The following KAZN variants were observed in gnomAD, a reference collection of about 807,000 sequenced individuals.
KAZN encodes kazrin.
KAZN carries 40 observed loss-of-function variants against 87.4 expected under a neutral mutation model. The ratio of observed to expected loss-of-function variants is 0.46; its 90% CI spans 0.36 to 0.60. The LOEUF is 0.60. Ranked by LOEUF, KAZN falls within the 20% of genes least tolerant of loss-of-function variation. The pLI is 0.00. For synonymous variants in KAZN, 466 were observed against 458.3 expected, an observed-to-expected ratio of 1.02 and a Z score of -0.22; for missense variants, 898 against 1,073.9, an observed-to-expected ratio of 0.84 and a Z score of 2.29.
At chr1:14,126,093 G>T (rs540252856) in intron 1 of KAZN, among the ~76,000 whole-genome samples, 1 of 152,114 alleles carries the variant, frequency 6.6e-6, no homozygotes, top group Non-Finnish European at 1.5e-5. Flanking sequence ...GACATGATCT[G>T]GTTTATATAT....
intron 2 of KAZN, among the ~76,000 whole-genome samples, chr1:14,347,194 G>A (rs1285208706): frequency 2.6e-5 from 4 of 152,202 alleles, no homozygotes; most frequent in African/African-American, 9.6e-5. Flanking sequence ...AAGGATGGAC[G>A]TGTATGTGTA....
chr1:14,619,172 C>T (rs992522619), intron 1 of KAZN, among the ~76,000 whole-genome samples: 2 of 149,928 alleles, frequency 1.3e-5, no homozygotes, highest in East Asian at 3.9e-4. Context: ...TTACTCCATG[C>T]ACAATGAAAA....
At chr1:14,839,772 C>T (rs946258950) in intron 1 of KAZN, among the ~76,000 whole-genome samples, 9 of 152,146 alleles carry the variant, frequency 5.9e-5, no homozygotes, top group Admixed American at 2.0e-4. Flanking sequence ...GCCAGCACAG[C>T]GTAGATGCTC....
At chr1:14,551,853 T>C (rs905872179) in intron 2 of KAZN, among the ~76,000 whole-genome samples, 3 of 152,146 alleles carry the variant, frequency 2.0e-5, no homozygotes, top group Admixed American at 1.3e-4. Context: ...AAAGAATTAA[T>C]GGCTACCTAG....
intron 1 of KAZN, among the ~76,000 whole-genome samples, chr1:14,942,799 A>G (rs557550176): frequency 6.6e-6 from 1 of 152,316 alleles, no homozygotes; most frequent in East Asian, 1.9e-4. Context: ...ATACCTGGCC[A>G]GAAGGGTGTC....
chr1:14,033,899 C>A (rs879272727), intron 1 of KAZN, among the ~76,000 whole-genome samples: 22 of 152,214 alleles, frequency 1.4e-4, no homozygotes, highest in Non-Finnish European at 2.6e-4. Context: ...ACCTGGGAAG[C>A]AGCATTTAAT....
intron 2 of KAZN, among the ~76,000 whole-genome samples, chr1:14,327,403 T>A (rs762081296): frequency 6.6e-6 from 1 of 152,098 alleles, no homozygotes; most frequent in Non-Finnish European, 1.5e-5. Flanking sequence ...CTGAAGCCCC[T>A]ACCTGGAATG....
intron 2 of KAZN, among the ~76,000 whole-genome samples, chr1:14,503,971 G>A (rs537867913): frequency 1.1e-4 from 16 of 152,220 alleles, no homozygotes; most frequent in African/African-American, 3.1e-4. Flanking sequence ...AGAGAGGCAC[G>A]TAGGACAAAA....
intron 1 of KAZN, among the ~76,000 whole-genome samples, chr1:14,814,377 AG>A (rs922489085): frequency 2.0e-4 from 30 of 152,062 alleles, no homozygotes; most frequent in Non-Finnish European, 4.0e-4. Flanking sequence ...CACCAAGCAC[AG>A]CTAATTTTTG....
intron 2 of KAZN, among the ~76,000 whole-genome samples, chr1:15,005,319 T>G (rs1668890334): frequency 6.6e-6 from 1 of 152,230 alleles, no homozygotes; most frequent in African/African-American, 2.4e-5. Context: ...TGCCAGTGTT[T>G]GCAAGGCAGT....
chr1:15,023,760 T>G (rs1670909934), intron 2 of KAZN, among the ~76,000 whole-genome samples: 3 of 142,110 alleles, frequency 2.1e-5, no homozygotes, highest in Admixed American at 7.2e-5. Context: ...GTGACCCAGA[T>G]ATGGGGGTGG....
chr1:14,794,511 A>G (rs116932996), intron 1 of KAZN, among the ~76,000 whole-genome samples: 2,519 of 152,290 alleles, frequency 0.017, 78 homozygotes, highest in Admixed American at 0.081. Flanking sequence ...TTGAACAACC[A>G]GTTCTCACTG....
intron 1 of KAZN, among the ~76,000 whole-genome samples, chr1:14,001,974 T>C (rs1432086097): frequency 6.6e-6 from 1 of 152,074 alleles, no homozygotes; most frequent in Non-Finnish European, 1.5e-5. Context: ...CCAAAAGCAA[T>C]TGCAACAAAA....
intron 2 of KAZN, among the ~76,000 whole-genome samples, chr1:14,341,988 T>G (rs1657762058): frequency 6.6e-6 from 1 of 152,072 alleles, no homozygotes; most frequent in African/African-American, 2.4e-5. Context: ...TCCCACCCAC[T>G]ACCCTTCAAT....
Position 13,923,582 on chromosome 1 carries a change from A to AG in KAZN, c.91+29826_91+29827insG, listed in dbSNP as rs1334156910. Among the ~76,000 whole-genome samples the AG allele has an allele frequency of 5.4e-3, 695 of 128,888 alleles. 9 individuals are homozygous for AG. The highest frequency in any genetic ancestry group is 9.1e-3 in the Non-Finnish European group (510 of 55,814). 84.6% of individuals were successfully genotyped at this position (128,888 alleles called of 152,430 possible). On this transcript the variant is annotated intron_variant, in intron 1 of 16. Transcript: ENST00000636203. ...AGCGAGACTCCATCTCAAAAAAAAA[A>AG]AAAAAAAAAATATAATTACTGTTTG...
intron 1 of KAZN, among the ~76,000 whole-genome samples, chr1:14,706,149 A>G (rs1642197440): frequency 6.6e-6 from 1 of 152,102 alleles, no homozygotes; most frequent in Admixed American, 6.5e-5. Flanking sequence ...ATGCCCGATG[A>G]TCTGTCACTG....
At chr1:14,165,018 T>C (rs1318084981) in intron 1 of KAZN, among the ~76,000 whole-genome samples, 1 of 151,724 alleles carries the variant, frequency 6.6e-6, no homozygotes, top group African/African-American at 2.4e-5. Context: ...AGCATGATTA[T>C]ATGTCAAATT....
chr1:14,799,688 G>C (rs536322359), intron 1 of KAZN, among the ~76,000 whole-genome samples: 1 of 152,186 alleles, frequency 6.6e-6, no homozygotes, highest in East Asian at 1.9e-4. Flanking sequence ...TTCCTCGTGC[G>C]ATGGTGGGCT....
At chr1:14,827,232 C>T (rs1262614416) in intron 1 of KAZN, among the ~76,000 whole-genome samples, 1 of 152,098 alleles carries the variant, frequency 6.6e-6, no homozygotes, top group Non-Finnish European at 1.5e-5. Flanking sequence ...ATTCTGGGGG[C>T]AGGGATTTTG....
Sources: gnomAD v4.1 joint callset for allele counts (sites outside exome capture counted in the v4.1 genomes callset) on GRCh38, gnomAD v4.1.1 for gene constraint, MANE v1.5 for transcripts, NCBI Gene and HGNC (gene_info 2026-07-23, HGNC 2026-07-21) for gene names.